The following AHI1 variants were observed in gnomAD, a reference collection of about 807,000 sequenced individuals.
The protein encoded by AHI1 is Abelson helper integration site 1.
In AHI1, 123 loss-of-function variants were observed where a neutral mutation model predicts 149.3. The observed-to-expected ratio is 0.82, with a 90% CI of 0.71 to 0.96. The LOEUF (loss-of-function observed/expected upper bound fraction) is 0.96. AHI1 is among the 40% of genes least tolerant of loss of function. The probability of loss-of-function intolerance (pLI) is 0.00; values close to 1 mark genes in which losing one functional copy is unlikely to be tolerated. For synonymous variants in AHI1, 475 were observed against 459.8 expected, an observed-to-expected ratio of 1.03 and a Z score of -0.42; for missense variants, 1,439 against 1,422.7, an observed-to-expected ratio of 1.01 and a Z score of -0.18.
intron 23 of AHI1, among the ~76,000 whole-genome samples, chr6:135,379,272 A>C (rs1776356919): frequency 6.6e-6 from 1 of 152,006 alleles, no homozygotes; most frequent in African/African-American, 2.4e-5. Context: ...CATTCACCTA[A>C]ATTAGAAGCC....
chr6:135,482,594 AT>A (rs1263940445), intron 5 of AHI1, among the ~76,000 whole-genome samples: 2 of 147,564 alleles, frequency 1.4e-5, no homozygotes, highest in Non-Finnish European at 3.0e-5. Flanking sequence ...GAATACTTTT[AT>A]TTTTTTAATC....
intron 27 of AHI1, among the ~76,000 whole-genome samples, chr6:135,296,446 ATAG>A (rs1164172746): frequency 6.6e-6 from 1 of 152,174 alleles, no homozygotes; most frequent in Admixed American, 6.5e-5. Flanking sequence ...AAGTCTTATA[ATAG>A]TATATAAGGT....
chr6:135,382,370 A>G (rs1477205275), intron 23 of AHI1, among the ~76,000 whole-genome samples: 1 of 152,228 alleles, frequency 6.6e-6, no homozygotes, highest in Non-Finnish European at 1.5e-5. Flanking sequence ...TCTAGAAAAT[A>G]CAAATCAACA....
At chr6:135,401,916 T>C (rs1247816946) in intron 22 of AHI1, among the ~76,000 whole-genome samples, 3 of 151,990 alleles carry the variant, frequency 2.0e-5, no homozygotes, top group Admixed American at 2.0e-4. Flanking sequence ...GGATAAAATA[T>C]TTGCAAATCA....
At chr6:135,440,448 T>C (rs755858410) in intron 14 of AHI1, among the ~76,000 whole-genome samples, 4 of 151,962 alleles carry the variant, frequency 2.6e-5, no homozygotes, top group Non-Finnish European at 5.9e-5. Context: ...ACTGATAAAC[T>C]CCAAAATATT....
intron 24 of AHI1, among the ~76,000 whole-genome samples, chr6:135,356,633 T>C (rs1203406646): frequency 6.6e-6 from 1 of 152,128 alleles, no homozygotes; most frequent in Non-Finnish European, 1.5e-5. Context: ...TCAAATACAT[T>C]AAAATAATAA....
Position 135,290,414 on chromosome 6 carries a change from T to G in AHI1, c.3588+9A>C. On this transcript the variant is annotated intron_variant, in intron 28 of 28. Transcript: ENST00000265602. ...ACATAGCGCAACTTTCTATTGGTTT[T>G]CCCCTTACCTCTATTAGAGTGACTT... The G allele has an allele frequency of 1.4e-6, 2 of 1,468,600 alleles. No homozygotes were observed. Among genetic ancestry groups the G allele is most frequent in the Non-Finnish European group, 1.9e-6 (2 of 1,047,800 alleles). 91.0% of individuals were successfully genotyped at this position (1,468,600 alleles called of 1,614,324 possible).
chr6:135,455,682 G>T, intron 10 of AHI1, 52 bp downstream of exon 10: 1 of 1,291,496 alleles, frequency 7.7e-7, no homozygotes, highest in Non-Finnish European at 1.0e-6. Context: ...TTACATTTGT[G>T]CTATTAAATA....
intron 23 of AHI1, among the ~76,000 whole-genome samples, chr6:135,389,953 T>C (rs1160435810): frequency 1.3e-5 from 2 of 152,220 alleles, no homozygotes; most frequent in African/African-American, 2.4e-5. Flanking sequence ...CATGATGACT[T>C]TGAATGTGGC....
intron 23 of AHI1, among the ~76,000 whole-genome samples, chr6:135,368,933 G>C (rs542617636): frequency 6.6e-6 from 1 of 152,326 alleles, no homozygotes; most frequent in South Asian, 2.1e-4. Flanking sequence ...TTCTGTCCAG[G>C]AAACTTTGCC....
rs181914977 is a variant in AHI1, at chr6:135,485,349, A to G, written c.135+5274T>C. ...CTTGGCCTCCCAAAATGCTAGGACT[A>G]CAAGTGTGAGCCACTGTGCCTGGCC... On this transcript the variant is annotated intron_variant, in intron 5 of 28. Coordinates refer to ENST00000265602, the MANE Select transcript of AHI1 (RefSeq NM_001134831.2). Among the ~76,000 whole-genome samples, 276 of 152,318 alleles carry G rather than the reference A, an allele frequency of 1.8e-3. 1 individual carries two copies. The highest frequency in any genetic ancestry group is 3.2e-3 in the Non-Finnish European group (219 of 68,022).
intron 23 of AHI1, among the ~76,000 whole-genome samples, chr6:135,377,750 G>C (rs1052064353): frequency 1.3e-5 from 2 of 151,922 alleles, no homozygotes; most frequent in Non-Finnish European, 2.9e-5. Context: ...CAAAGTACCA[G>C]GCGCATGAAC....
At chr6:135,477,105 A>G (rs1209939413) in intron 5 of AHI1, among the ~76,000 whole-genome samples, 1 of 145,804 alleles carries the variant, frequency 6.9e-6, no homozygotes, top group Non-Finnish European at 1.5e-5. Context: ...CAGTGGTGTG[A>G]TCTCGGCTCA....
intron 23 of AHI1, among the ~76,000 whole-genome samples, chr6:135,385,086 C>A (rs1211507167): frequency 1.3e-5 from 2 of 151,870 alleles, no homozygotes; most frequent in African/African-American, 4.8e-5. Context: ...AAGACACCAT[C>A]CCCCCCACCT....
At chr6:135,350,677 A>C (rs1231512651) in intron 24 of AHI1, among the ~76,000 whole-genome samples, 4 of 152,170 alleles carry the variant, frequency 2.6e-5, no homozygotes, top group Non-Finnish European at 2.9e-5. Flanking sequence ...AAAAGTTAAC[A>C]TTTACCTGGG....
chr6:135,385,163 C>T (rs770374742), intron 23 of AHI1, among the ~76,000 whole-genome samples: 7 of 152,152 alleles, frequency 4.6e-5, no homozygotes, highest in African/African-American at 7.2e-5. Context: ...ACACCAGCCT[C>T]TAGCTACCAT....
intron 5 of AHI1, among the ~76,000 whole-genome samples, chr6:135,474,806 A>G (rs187418259): frequency 6.6e-6 from 1 of 152,270 alleles, no homozygotes; most frequent in East Asian, 1.9e-4. Flanking sequence ...TTTTCATAAG[A>G]TTGATTTTCT....
At chr6:135,357,620 C>G (rs762779850) in intron 24 of AHI1, among the ~76,000 whole-genome samples, 10 of 152,162 alleles carry the variant, frequency 6.6e-5, no homozygotes, top group Admixed American at 1.3e-4. Context: ...TCTTATGAGT[C>G]TTTCAATTGC....
chr6:135,467,604 T>G lies in AHI1; in HGVS notation c.166A>C (p.Met56Leu). Residue 56 changes from methionine to leucine, a missense_variant, in exon 6 of 29, where the codon ATG becomes CTG. Physicochemically the swap from Met to Leu is conservative, Grantham distance 15. Coordinates refer to ENST00000265602, the MANE Select transcript of AHI1 (RefSeq NM_001134831.2). ...PDTIRSNLHY[M>L]KETTSDDPDT... ...ACATCATCACTTGTAGTTTCTTTCATATAGTGAAGATTGCTTCTAATAGTG... is the reference window on the plus strand; with the variant it reads ...ACATCATCACTTGTAGTTTCTTTCAGATAGTGAAGATTGCTTCTAATAGTG... The G allele has an allele frequency of 6.2e-7, 1 of 1,609,674 alleles. No homozygotes were observed. Among genetic ancestry groups the G allele is most frequent in the Non-Finnish European group, 8.5e-7 (1 of 1,176,836 alleles).
Sources: allele counts gnomAD v4.1 joint callset (sites outside exome capture counted in the v4.1 genomes callset), GRCh38; gene constraint gnomAD v4.1.1; transcripts MANE v1.5; gene names NCBI Gene and HGNC (gene_info 2026-07-23, HGNC 2026-07-21).